Variants in ACOT11 observed in about 807,000 individuals in gnomAD.
ACOT11 encodes acyl-CoA thioesterase 11, also known as acyl-coenzyme A thioesterase 11.
A neutral mutation model predicts 77.5 loss-of-function variants in ACOT11; 69 were observed. The ratio of observed to expected loss-of-function variants is 0.89; its 90% CI spans 0.73 to 1.09. The LOEUF is 1.09. ACOT11 is among the 50% of genes least tolerant of loss of function. The pLI is 0.00. For synonymous variants in ACOT11, 279 were observed against 313.0 expected, an observed-to-expected ratio of 0.89 and a Z score of 1.15; for missense variants, 766 against 813.7, an observed-to-expected ratio of 0.94 and a Z score of 0.71.
chr1:54,566,565 A>G (rs1365157898), intron 1 of ACOT11, among the ~76,000 whole-genome samples: 4 of 151,990 alleles, frequency 2.6e-5, no homozygotes, highest in Non-Finnish European at 5.9e-5. Flanking sequence ...GAACCTTAGT[A>G]GCTTAAAGCA....
intron 13 of ACOT11, among the ~76,000 whole-genome samples, chr1:54,606,561 A>AC (rs1644028308): frequency 6.6e-6 from 1 of 152,078 alleles, no homozygotes; most frequent in Non-Finnish European, 1.5e-5. Flanking sequence ...GCCTGGACAC[A>AC]CCCCAGCCCT....
chr1:54,581,920 G>A (rs889181710), intron 1 of ACOT11, among the ~76,000 whole-genome samples: 1 of 152,176 alleles, frequency 6.6e-6, no homozygotes, highest in Non-Finnish European at 1.5e-5. Context: ...CCTAATGTGG[G>A]CAGACTGCCT....
At chr1:54,630,666 G>T in intron 15 of ACOT11, 1 of 562,078 alleles carries the variant, frequency 1.8e-6, no homozygotes. Flanking sequence ...CAGCTCTGAA[G>T]GCTGTGAGAC....
intron 6 of ACOT11, 32 bp from the exon 7 acceptor site, chr1:54,597,227 C>T: frequency 3.1e-6 from 5 of 1,606,322 alleles, no homozygotes; most frequent in Non-Finnish European, 4.2e-6. Context: ...TCTCACCTCC[C>T]TGCTTCCCTC....
chr1:54,602,753 T>C, intron 10 of ACOT11, 29 bp downstream of exon 10: 1 of 1,512,958 alleles, frequency 6.6e-7, no homozygotes, highest in Non-Finnish European at 8.8e-7. Context: ...GTGGGCAGAA[T>C]GTGGATTCGG....
intron 15 of ACOT11, chr1:54,619,812 G>A (rs1644210909): frequency 6.3e-7 from 1 of 1,584,842 alleles, no homozygotes; most frequent in South Asian, 1.1e-5. Context: ...CTCTCCCTCT[G>A]TCTTCTCTAT....
intron 1 of ACOT11, among the ~76,000 whole-genome samples, chr1:54,554,290 AGTGTGTGTGT>A (rs67577349): frequency 0.012 from 1,341 of 108,398 alleles, 23 homozygotes; most frequent in Non-Finnish European, 0.018. Context: ...AGTATTCCAT[AGTGTGTGTGT>A]GTGTGTGTGT....
intron 15 of ACOT11, among the ~76,000 whole-genome samples, chr1:54,619,490 C>T (rs963470890): frequency 5.3e-5 from 8 of 152,168 alleles, no homozygotes; most frequent in South Asian, 4.1e-4. Context: ...GTGTAATGTG[C>T]GCCCAGTGAG....
chr1:54,620,895 C>G (rs1376229145), intron 15 of ACOT11, among the ~76,000 whole-genome samples: 1 of 128,164 alleles, frequency 7.8e-6, no homozygotes, highest in South Asian at 2.7e-4. Context: ...TTTGGTGGCT[C>G]ACACCTGTAA....
intron 13 of ACOT11, among the ~76,000 whole-genome samples, chr1:54,605,950 A>G (rs1398175672): frequency 1.3e-5 from 2 of 152,194 alleles, no homozygotes; most frequent in African/African-American, 2.4e-5. Context: ...AGGAGCCTAC[A>G]TTCTGGAGAA....
At chr1:54,557,427 T>G (rs1653300261) in intron 1 of ACOT11, among the ~76,000 whole-genome samples, 1 of 151,716 alleles carries the variant, frequency 6.6e-6, no homozygotes, top group Non-Finnish European at 1.5e-5. Context: ...ATTAAATTAT[T>G]TATCTACCCT....
At chr1:54,631,801 G>T (rs1569818030) in intron 16 of ACOT11, among the ~76,000 whole-genome samples, 1 of 152,206 alleles carries the variant, frequency 6.6e-6, no homozygotes. Flanking sequence ...GATGATTGCA[G>T]ATTCGGCTGC....
chr1:54,579,196 A>G (rs762336674), intron 1 of ACOT11, among the ~76,000 whole-genome samples: 4 of 151,768 alleles, frequency 2.6e-5, no homozygotes, highest in African/African-American at 4.9e-5. Context: ...TATGCTCCCT[A>G]TTTTACCCAT....
At position 54,632,601 on chromosome 1, in the gene ACOT11, G is replaced by A. The variant is rs148667517; in HGVS notation, c.1782+1715G>A. On this transcript the variant is annotated intron_variant, in intron 16 of 16. Transcript: ENST00000371316. ...GCCGTATGTGGGAATGGGAAAAAGT[G>A]AAATTAAACGAACAGGAGAATTTGG... 5.1e-3 allele frequency among the ~76,000 whole-genome samples: 771 copies of A among 152,304 alleles called. 3 individuals carry two copies. Among genetic ancestry groups the A allele is most frequent in the Middle Eastern group, 0.01 (3 of 294 alleles).
Position 54,609,524 on chromosome 1 carries a change from C to A in ACOT11, c.*412C>A. On this transcript the variant is annotated 3_prime_UTR_variant, in exon 16 of 16. Coordinates refer to ENST00000343744, the MANE Select transcript of ACOT11 (RefSeq NM_147161.4). ...GGACACAGGTTGCCAGAGCCCCTGG[C>A]ACAACTCTAGCATATCTGTGAGCAG... The A allele has an allele frequency of 6.2e-7, 1 of 1,613,046 alleles. No homozygotes were observed. Among genetic ancestry groups the A allele is most frequent in the African/African-American group, 1.3e-5 (1 of 75,082 alleles).
rs755504666 is a variant in ACOT11 at position 54,609,388 on chromosome 1, GC to G, written c.*281del. On this transcript the variant is annotated 3_prime_UTR_variant, in exon 16 of 16. Coordinates refer to ENST00000343744, the MANE Select transcript of ACOT11 (RefSeq NM_147161.4). The stretch of plus-strand genomic sequence containing the variant: ...ATGCTGTCCTCACAGAGGCATAGTC[GC>G]CCCCAGCTGGGTTGTGCTCCACTGT... The G allele has an allele frequency of 5.0e-6, 8 of 1,613,924 alleles. No individual in the cohort carries two copies. The South Asian group carries it at 7.7e-5, about 16-fold the overall frequency.
In ACOT11 at chr1:54,629,922, C is replaced by T. The variant is rs371713093; in HGVS notation, c.1630-812C>T. Among the ~76,000 whole-genome samples the T allele has an allele frequency of 1.3e-4, 17 of 132,734 alleles. 3 individuals carry two copies. Among genetic ancestry groups the T allele is most frequent in the East Asian group, 7.1e-4 (3 of 4,220 alleles). The allele number at this position is 132,734 out of a possible 152,430, so 87.1% of individuals were successfully genotyped here. A position where few individuals can be genotyped will look rare whatever the true frequency, so the allele number is the denominator to read the frequency against. On this transcript the variant is annotated intron_variant, in intron 15 of 16. Coordinates refer to the ACOT11 transcript ENST00000371316. ...TTTATTTTTATTTTTATGTTTGAGA[C>T]GGAGTCTTGCTCTGTCGCCCAGGCT...
downstream of ACOT11, chr1:54,614,667 G>T (rs1029234971): frequency 5.0e-6 from 8 of 1,589,450 alleles, no homozygotes; most frequent in Middle Eastern, 1.9e-4. Flanking sequence ...GAAGAGGGCT[G>T]GACACAGCTG....
At chr1:54,603,239 G>C (rs1202499693) in intron 10 of ACOT11, among the ~76,000 whole-genome samples, 1 of 152,202 alleles carries the variant, frequency 6.6e-6, no homozygotes, top group Non-Finnish European at 1.5e-5. Flanking sequence ...CTATAGTCAG[G>C]AGGCTGAGGC....
Sources: gnomAD v4.1 joint callset for allele counts (sites outside exome capture counted in the v4.1 genomes callset) on GRCh38, gnomAD v4.1.1 for gene constraint, MANE v1.5 for transcripts, NCBI Gene and HGNC (gene_info 2026-07-23, HGNC 2026-07-21) for gene names.